Variants in PRKG1 observed in about 807,000 individuals in gnomAD.
The protein encoded by PRKG1 is cGMP-dependent protein kinase 1.
PRKG1 carries 35 observed loss-of-function variants against 88.1 expected under a neutral mutation model. The ratio of observed to expected loss-of-function variants is 0.40; its 90% CI spans 0.30 to 0.53. The LOEUF is 0.53. PRKG1 is among the 20% of genes least tolerant of loss of function. The pLI is 0.59. For synonymous variants in PRKG1, 303 were observed against 292.5 expected, an observed-to-expected ratio of 1.04 and a Z score of -0.37; for missense variants, 540 against 839.8, an observed-to-expected ratio of 0.64 and a Z score of 4.41.
At chr10:52,032,104 T>G (rs773215628) in intron 5 of PRKG1, among the ~76,000 whole-genome samples, 2 of 152,208 alleles carry the variant, frequency 1.3e-5, no homozygotes, top group African/African-American at 2.4e-5. Flanking sequence ...ATTGCAGCAG[T>G]GTTTTGGGAA....
intron 1 of PRKG1, among the ~76,000 whole-genome samples, chr10:51,118,751 T>G (rs1193027226): frequency 6.6e-6 from 1 of 152,162 alleles, no homozygotes; most frequent in Non-Finnish European, 1.5e-5. Flanking sequence ...GTTCTATTCG[T>G]CTCTGCAGAA....
intron 3 of PRKG1, among the ~76,000 whole-genome samples, chr10:51,664,606 T>G (rs1428808558): frequency 6.6e-6 from 1 of 152,172 alleles, no homozygotes; most frequent in Non-Finnish European, 1.5e-5. Context: ...TGTATAATCA[T>G]TACCATCTTA....
intron 2 of PRKG1, among the ~76,000 whole-genome samples, chr10:51,193,706 C>T (rs1837688960): frequency 6.6e-6 from 1 of 152,048 alleles, no homozygotes; most frequent in Non-Finnish European, 1.5e-5. Flanking sequence ...TCCCTGGATC[C>T]AACTTCCCTG....
intron 4 of PRKG1, among the ~76,000 whole-genome samples, chr10:51,822,339 A>G (rs1043339023): frequency 2.0e-5 from 3 of 152,110 alleles, no homozygotes; most frequent in African/African-American, 7.2e-5. Flanking sequence ...AATACTGCAT[A>G]ATCCTACTTA....
intron 3 of PRKG1, among the ~76,000 whole-genome samples, chr10:51,736,157 G>A (rs1837274797): frequency 1.3e-5 from 2 of 151,892 alleles, no homozygotes; most frequent in South Asian, 4.2e-4. Flanking sequence ...TTCCTGAAGT[G>A]CTGAGATTAC....
intron 10 of PRKG1, among the ~76,000 whole-genome samples, chr10:52,259,970 ATCTTTT>A (rs1001437080): frequency 5.3e-5 from 8 of 152,038 alleles, no homozygotes; most frequent in African/African-American, 9.7e-5. Flanking sequence ...GGAAGAAGTT[ATCTTTT>A]TCTTTTTCTT....
chr10:51,883,378 A>G (rs1022133241), intron 4 of PRKG1, among the ~76,000 whole-genome samples: 4 of 152,238 alleles, frequency 2.6e-5, no homozygotes, highest in African/African-American at 9.6e-5. Context: ...GTATAGACAA[A>G]TATAGATAGA....
intron 2 of PRKG1, among the ~76,000 whole-genome samples, chr10:51,467,362 G>A (rs998398547): frequency 3.9e-5 from 6 of 151,962 alleles, no homozygotes; most frequent in Non-Finnish European, 7.4e-5. Flanking sequence ...GAAGTGTGCT[G>A]TAGAAAATGT....
At chr10:51,147,702 C>A (rs978855708) in intron 1 of PRKG1, among the ~76,000 whole-genome samples, 2 of 152,150 alleles carry the variant, frequency 1.3e-5, no homozygotes, top group African/African-American at 4.8e-5. Context: ...ATGTCGCTAA[C>A]ATTAATTTTG....
intron 4 of PRKG1, among the ~76,000 whole-genome samples, chr10:51,861,827 G>A (rs1840881345): frequency 6.6e-6 from 1 of 152,170 alleles, no homozygotes; most frequent in Non-Finnish European, 1.5e-5. Flanking sequence ...TTGCCAGCCG[G>A]AAACCTTCAT....
chr10:52,012,393 C>G (rs1338184530), intron 5 of PRKG1, among the ~76,000 whole-genome samples: 1 of 152,056 alleles, frequency 6.6e-6, no homozygotes, highest in Non-Finnish European at 1.5e-5. Flanking sequence ...AGGTGCCCAC[C>G]ACCACTCCTG....
chr10:52,100,266 C>A (rs957902262), intron 7 of PRKG1, among the ~76,000 whole-genome samples: 1 of 152,168 alleles, frequency 6.6e-6, no homozygotes, highest in Non-Finnish European at 1.5e-5. Context: ...TTTAATGCTT[C>A]TGTTGTATCT....
intron 3 of PRKG1, among the ~76,000 whole-genome samples, chr10:51,468,296 A>G (rs1238487726): frequency 6.6e-6 from 1 of 151,836 alleles, no homozygotes; most frequent in Non-Finnish European, 1.5e-5. Flanking sequence ...ATTGAGTAAG[A>G]TATCTCCTGA....
In PRKG1 at chr10:51,279,240, T is replaced by A. The variant is rs200689656; in HGVS notation, c.478+125910T>A. ...CAATAGTCATTCAGAAGCAGGTTGT[T>A]CAGTTTCCATGTAGTTGAGAGGTTT... On this transcript the variant is annotated intron_variant, in intron 2 of 17. Coordinates refer to ENST00000373980, the MANE Select transcript of PRKG1 (RefSeq NM_006258.4). Among the ~76,000 whole-genome samples, 5 of 152,342 alleles carry A rather than the reference T, an allele frequency of 3.3e-5. No homozygotes were observed. The East Asian group carries it at 9.6e-4, about 29-fold the overall frequency.
intron 5 of PRKG1, among the ~76,000 whole-genome samples, chr10:51,976,058 C>A (rs1382871839): frequency 6.6e-6 from 1 of 151,934 alleles, no homozygotes; most frequent in Non-Finnish European, 1.5e-5. Flanking sequence ...ATCAAAACTG[C>A]AGTAAGATAC....
At chr10:52,086,774 T>G (rs1337836737) in intron 7 of PRKG1, among the ~76,000 whole-genome samples, 1 of 152,132 alleles carries the variant, frequency 6.6e-6, no homozygotes, top group Non-Finnish European at 1.5e-5. Flanking sequence ...GTTCTCACAC[T>G]GCAAATAAAT....
intron 1 of PRKG1, among the ~76,000 whole-genome samples, chr10:51,082,720 G>T (rs773640097): frequency 1.4e-5 from 2 of 142,730 alleles, no homozygotes; most frequent in African/African-American, 3.0e-5. Flanking sequence ...AGCATAGCTG[G>T]ATTTTTTTTT....
At chr10:51,161,062 T>C (rs1201117940) in intron 2 of PRKG1, among the ~76,000 whole-genome samples, 2 of 152,170 alleles carry the variant, frequency 1.3e-5, no homozygotes, top group African/African-American at 4.8e-5. Context: ...TTCAATATAT[T>C]TTAAGAATTC....
intron 3 of PRKG1, among the ~76,000 whole-genome samples, chr10:51,684,347 T>C (rs927260716): frequency 1.3e-5 from 2 of 152,112 alleles, no homozygotes. Context: ...GAGTAGGAAG[T>C]GGATCCAGTG....
Sources: gnomAD v4.1 joint callset for allele counts (sites outside exome capture counted in the v4.1 genomes callset) on GRCh38, gnomAD v4.1.1 for gene constraint, MANE v1.5 for transcripts, NCBI Gene and HGNC (gene_info 2026-07-23, HGNC 2026-07-21) for gene names.